The following CPNE9 variants were observed in gnomAD, a reference collection of about 807,000 sequenced individuals.
CPNE9 encodes copine family member 9.
CPNE9 carries 59 observed loss-of-function variants against 83.0 expected under a neutral mutation model. That is an observed-to-expected ratio of 0.71 (90% CI 0.58 to 0.88). The LOEUF is 0.88. CPNE9 is among the 40% of genes least tolerant of loss of function. CPNE9 has a pLI of 0.00. For missense variants in CPNE9, 619 were observed against 720.8 expected (o/e 0.86, Z 1.62); for synonymous variants, 256 against 273.4 (o/e 0.94, Z 0.63).
intron 7 of CPNE9, among the ~76,000 whole-genome samples, chr3:9,709,145 G>A (rs1023852362): frequency 1.3e-4 from 20 of 149,562 alleles, no homozygotes; most frequent in African/African-American, 3.9e-4. Context: ...GAGTGGTGGC[G>A]CACGCTTGTA....
intron 7 of CPNE9, 65 bp downstream of exon 7, chr3:9,706,128 G>T: frequency 6.7e-7 from 1 of 1,500,530 alleles, no homozygotes; most frequent in Non-Finnish European, 9.2e-7. Flanking sequence ...TCCCAAGGAT[G>T]CCGCTGACTG....
chr3:9,718,353 G>A lies in CPNE9; in HGVS notation c.1114-122G>A, dbSNP rs990964537. ...GGATAGCAGAGCAGGGAGGGGAGCA[G>A]GGCTGGGTTTGGAGGGGAGCATGAA... On this transcript the variant is annotated intron_variant, in intron 16 of 20. Transcript: ENST00000383832. 1.5e-5 allele frequency: 21 copies of A among 1,433,696 alleles called. No individual in the cohort carries two copies. The Admixed American group carries it at 3.9e-4, about 27-fold the overall frequency. The allele number at this position is 1,433,696 out of a possible 1,614,324, so 88.8% of individuals were successfully genotyped here. A position where few individuals can be genotyped will look rare whatever the true frequency, so the allele number is the denominator to read the frequency against.
chr3:9,708,823 A>T (rs563636996), intron 7 of CPNE9, among the ~76,000 whole-genome samples: 1 of 151,660 alleles, frequency 6.6e-6, no homozygotes, highest in East Asian at 2.0e-4. Context: ...TTTAGTAGAG[A>T]TGGGGTTTCA....
intron 7 of CPNE9, among the ~76,000 whole-genome samples, chr3:9,707,188 C>A (rs1196912167): frequency 6.6e-6 from 1 of 151,668 alleles, no homozygotes; most frequent in African/African-American, 2.4e-5. Context: ...CCTGTCTCTA[C>A]TAAAAATACA....
chr3:9,724,177 C>T (rs1017714407), intron 17 of CPNE9, among the ~76,000 whole-genome samples: 1 of 150,994 alleles, frequency 6.6e-6, no homozygotes, highest in Non-Finnish European at 1.5e-5. Flanking sequence ...ACCTTTGTGC[C>T]CTCTCTAGGT....
At chr3:9,728,512 A>G (rs2076802813) in intron 20 of CPNE9, among the ~76,000 whole-genome samples, 1 of 152,094 alleles carries the variant, frequency 6.6e-6, no homozygotes, top group Non-Finnish European at 1.5e-5. Context: ...AATCCCAGCT[A>G]CTTGGGAGGC....
chr3:9,729,104 A>C (rs1032415506), intron 20 of CPNE9, among the ~76,000 whole-genome samples: 1 of 152,210 alleles, frequency 6.6e-6, no homozygotes, highest in African/African-American at 2.4e-5. Context: ...AGCTTCAAGA[A>C]AGGTAAGCAA....
intron 10 of CPNE9, 60 bp downstream of exon 10, chr3:9,713,139 G>A: frequency 8.0e-7 from 1 of 1,247,520 alleles, no homozygotes; most frequent in African/African-American, 1.5e-5. Context: ...TGGTTCCTGG[G>A]CCCAAGAATG....
intron 16 of CPNE9, 124 bp downstream of exon 16, chr3:9,718,334 C>A (rs1048976662): frequency 2.2e-6 from 3 of 1,378,598 alleles, no homozygotes; most frequent in African/African-American, 2.9e-5. Context: ...GAGAGGATAG[C>A]AGAGCAGGGA....
rs2076541431 is a variant in CPNE9, at chr3:9,704,644, C to G, written c.109+17C>G. On this transcript the variant is annotated intron_variant, in intron 2 of 20. Transcript: ENST00000383832. The surrounding 1 kb of genome is among the most constrained non-coding windows in gnomAD (Gnocchi z 7.1). The stretch of plus-strand genomic sequence containing the variant: ...CCGACCCCAGTAGGCGGCTCCAGGA[C>G]CGGGAGGGGGAACTTGGGGTCTGGG... 1 of 1,613,728 alleles carries G rather than the reference C, an allele frequency of 6.2e-7. No individual in the cohort carries two copies.
intron 6 of CPNE9, 114 bp downstream of exon 6, chr3:9,705,834 C>A: frequency 2.9e-6 from 4 of 1,364,960 alleles, no homozygotes; most frequent in Non-Finnish European, 3.1e-6. Flanking sequence ...CCTTCTTTCA[C>A]ACCCCCTCCA....
At position 9,703,943 on chromosome 3, in the gene CPNE9, G is replaced by A; in HGVS notation, c.-54G>A. On this transcript the variant is annotated 5_prime_UTR_variant, in exon 1 of 21. An upstream open reading frame in the 5' UTR loses its in-frame stop. Coordinates refer to ENST00000383832, the MANE Select transcript of CPNE9 (RefSeq NM_153635.3). The stretch of plus-strand genomic sequence containing the variant: ...GGCCCCGCCGCTGCCGTCGCCCCTA[G>A]CCCCAGCAGCCCTGGTCTCGCAGCC... 1.3e-6 allele frequency: 2 copies of A among 1,490,744 alleles called. No homozygotes were observed. Among genetic ancestry groups the A allele is most frequent in the Non-Finnish European group, 1.8e-6 (2 of 1,105,408 alleles). The allele number at this position is 1,490,744 out of a possible 1,614,324, so 92.3% of individuals were successfully genotyped here.
chr3:9,715,919 C>G, intron 13 of CPNE9, 55 bp from the exon 14 acceptor site: 1 of 1,517,934 alleles, frequency 6.6e-7, no homozygotes. Flanking sequence ...TCACTTCCTT[C>G]TGCCACCCCA....
At chr3:9,721,187 A>G (rs2076730776) in intron 17 of CPNE9, among the ~76,000 whole-genome samples, 1 of 152,236 alleles carries the variant, frequency 6.6e-6, no homozygotes, top group Non-Finnish European at 1.5e-5. Flanking sequence ...GCCTTGGTGC[A>G]GGAGACAGAA....
intron 17 of CPNE9, among the ~76,000 whole-genome samples, chr3:9,723,062 G>C (rs1559644725): frequency 1.3e-5 from 2 of 152,216 alleles, no homozygotes; most frequent in South Asian, 4.1e-4. Context: ...CGTGGTGCCT[G>C]ATACACAGTA....
chr3:9,710,833 TGG>T (rs2076620042), intron 7 of CPNE9, among the ~76,000 whole-genome samples: 1 of 152,156 alleles, frequency 6.6e-6, no homozygotes, highest in African/African-American at 2.4e-5. Flanking sequence ...AAGACCAGTC[TGG>T]GTAACATAGC....
chr3:9,720,370 G>GA (rs1277177396), intron 17 of CPNE9, among the ~76,000 whole-genome samples: 1 of 147,574 alleles, frequency 6.8e-6, no homozygotes, highest in Non-Finnish European at 1.5e-5. Context: ...GCGAAGATTT[G>GA]TTTTTTTTTT....
At chr3:9,708,416 G>C (rs995071602) in intron 7 of CPNE9, among the ~76,000 whole-genome samples, 1 of 152,220 alleles carries the variant, frequency 6.6e-6, no homozygotes, top group South Asian at 2.1e-4. Flanking sequence ...AATTAATGAA[G>C]TAGGAGAAGA....
chr3:9,727,557 G>A, intron 20 of CPNE9: 1 of 615,894 alleles, frequency 1.6e-6, no homozygotes. Flanking sequence ...GGGTTCTTTA[G>A]CTTGCCAAGA....
Sources: gnomAD v4.1 joint callset for allele counts (sites outside exome capture counted in the v4.1 genomes callset) on GRCh38, gnomAD v4.1.1 for gene constraint, Gnocchi (gnomAD v3.1) non-coding constraint, MANE v1.5 for transcripts, NCBI Gene and HGNC (gene_info 2026-07-23, HGNC 2026-07-21) for gene names.